Variants in DNM2 observed in about 807,000 individuals in gnomAD.
The protein encoded by DNM2 is dynamin 2.
DNM2 carries 15 observed loss-of-function variants against 99.0 expected under a neutral mutation model. The observed-to-expected ratio is 0.15, with a 90% confidence interval of 0.10 to 0.23. DNM2 has a LOEUF of 0.23. Among genes scored for constraint, DNM2 ranks in the 10% least tolerant of loss-of-function variants. DNM2 has a pLI of 1.00. For synonymous variants in DNM2, 525 were observed against 481.2 expected, an observed-to-expected ratio of 1.09 and a Z score of -1.19; for missense variants, 742 against 1,189.4, an observed-to-expected ratio of 0.62 and a Z score of 5.53.
Position 10,793,782 on chromosome 19 carries a change from A to T in DNM2, c.1055A>T (p.Asp352Val). ...KRIEGSGDQV[D>V]TLELSGGARI... ...ATCGAGGGCTCAGGAGATCAGGTGG[A>T]CACTCTGGAGCTCTCCGGGGGCGCC... Residue 352 changes from aspartate to valine, a missense_variant, in exon 8 of 21, where the codon GAC (aspartate) becomes GTC (valine). Transcript: ENST00000389253. 1 of 1,613,946 alleles carries T rather than the reference A, an allele frequency of 6.2e-7. No homozygotes were observed. Among genetic ancestry groups the T allele is most frequent in the Non-Finnish European group, 8.5e-7 (1 of 1,179,984 alleles).
At chr19:10,748,215 G>A (rs535761000) in intron 1 of DNM2, among the ~76,000 whole-genome samples, 1 of 152,322 alleles carries the variant, frequency 6.6e-6, no homozygotes, top group African/African-American at 2.4e-5. Context: ...CTGCTTTGTG[G>A]GAGGCAGATT....
chr19:10,761,865 T>C (rs1352255889), intron 2 of DNM2, among the ~76,000 whole-genome samples: 1 of 152,204 alleles, frequency 6.6e-6, no homozygotes, highest in Non-Finnish European at 1.5e-5. Context: ...CTTTATGAGC[T>C]CTGCTATTTC....
In DNM2 at chr19:10,818,106, C is replaced by A. The variant is rs2072830785; in HGVS notation, c.1672-1874C>A. Among the ~76,000 whole-genome samples, 1 of 152,078 alleles carries A rather than the reference C, an allele frequency of 6.6e-6. No homozygotes were observed. The highest frequency in any genetic ancestry group is 1.5e-5 in the Non-Finnish European group (1 of 68,020). Reference sequence around the variant, plus strand: ...CCCCGAAAGGTGGGAGGGACCCAGGCCCTGTGTTACCCAGCCTTGCCTGGG... The same window carrying A: ...CCCCGAAAGGTGGGAGGGACCCAGGACCTGTGTTACCCAGCCTTGCCTGGG... On this transcript the variant is annotated intron_variant, in intron 15 of 20. Transcript: ENST00000389253. This position sits in a 1 kb window ranked among gnomAD's most constrained non-coding sequence, Gnocchi z 4.3.
intron 7 of DNM2, among the ~76,000 whole-genome samples, chr19:10,793,312 C>A (rs1290618349): frequency 1.3e-5 from 2 of 152,156 alleles, no homozygotes; most frequent in Non-Finnish European, 2.9e-5. Context: ...TCAGGACCAA[C>A]CCCAGCAGGC....
intron 13 of DNM2, 180 bp from the exon 14 acceptor site, chr19:10,808,389 C>T: frequency 6.8e-6 from 4 of 591,208 alleles, no homozygotes; most frequent in East Asian, 2.9e-5. Context: ...ATATTAACAC[C>T]ATGAATATGA....
At chr19:10,728,879 C>G (rs1368267785) in intron 1 of DNM2, among the ~76,000 whole-genome samples, 2 of 151,090 alleles carry the variant, frequency 1.3e-5, no homozygotes, top group Non-Finnish European at 2.9e-5. Context: ...CCCAGGAATT[C>G]GAGGTTGCAT....
intron 10 of DNM2, 65 bp from the exon 11 acceptor site, chr19:10,798,421 T>G: frequency 2.2e-6 from 3 of 1,359,204 alleles, no homozygotes; most frequent in Non-Finnish European, 3.1e-6. Flanking sequence ...TCTACCTGTG[T>G]GGTTCATGTT....
In DNM2 at chr19:10,820,538, G is replaced by C. The variant is rs1466157504; in HGVS notation, c.1781+449G>C. ...GGGTAGAAGAGTCAGGCGGAGCCCT[G>C]GTGGGCATGGATATGAGAGAGAAAG... On this transcript the variant is annotated intron_variant, in intron 16 of 20. Transcript: ENST00000389253. This position sits in a 1 kb window ranked among gnomAD's most constrained non-coding sequence, Gnocchi z 4.3. Among the ~76,000 whole-genome samples, 1 of 152,220 alleles carries C rather than the reference G, an allele frequency of 6.6e-6. No homozygotes were observed. Among genetic ancestry groups the C allele is most frequent in the East Asian group, 1.9e-4 (1 of 5,196 alleles).
At chr19:10,732,382 C>T (rs2069358491) in intron 1 of DNM2, among the ~76,000 whole-genome samples, 1 of 149,238 alleles carries the variant, frequency 6.7e-6, no homozygotes, top group Admixed American at 6.7e-5. Context: ...GGGCGGATCA[C>T]GAGGTCAGGA....
At chr19:10,736,812 C>G (rs925042309) in intron 1 of DNM2, among the ~76,000 whole-genome samples, 16 of 152,266 alleles carry the variant, frequency 1.1e-4, no homozygotes, top group Non-Finnish European at 2.1e-4. Context: ...GTCCTCACCC[C>G]CAGGCTGTTC....
At position 10,795,633 on chromosome 19, in the gene DNM2, T is replaced by C. The variant is rs986944585; in HGVS notation, c.1196+194T>C. 6 of 646,252 alleles carry C rather than the reference T, an allele frequency of 9.3e-6. No homozygotes were observed. In the African/African-American group the frequency reaches 1.1e-4, roughly 12 times the overall value. 40.0% of individuals were successfully genotyped at this position (646,252 alleles called of 1,614,324 possible). On this transcript the variant is annotated intron_variant, in intron 9 of 20. Transcript: ENST00000389253. This position sits in a 1 kb window ranked among gnomAD's most constrained non-coding sequence, Gnocchi z 4.2. ...AGGGTGGATGTGTCTTAGTCCTGCG[T>C]CCATTGCAGGCTTCAGGGCTGTCTG...
intron 2 of DNM2, among the ~76,000 whole-genome samples, chr19:10,766,131 C>T (rs2070788587): frequency 6.6e-6 from 1 of 152,188 alleles, no homozygotes. Context: ...GAAAACTCTC[C>T]TCCCTCTCTC....
At chr19:10,749,022 A>G (rs572568316) in intron 1 of DNM2, among the ~76,000 whole-genome samples, 12 of 152,302 alleles carry the variant, frequency 7.9e-5, no homozygotes, top group African/African-American at 2.9e-4. Flanking sequence ...TCAGGCTCAA[A>G]GAGACTGTGC....
rs755921154 is a variant in DNM2, at chr19:10,796,109, G to C, written c.1196+670G>C. ...TGGCATTCGAGGCCATTGTGAAAAA[G>C]CAGGTCGTCAAGCTGAAAGAGCCCT... On this transcript the variant is annotated intron_variant, in intron 9 of 20. Transcript: ENST00000389253. The surrounding 1 kb of genome is among the most constrained non-coding windows in gnomAD (Gnocchi z 5.6). 4.3e-6 allele frequency: 7 copies of C among 1,614,010 alleles called. No homozygotes were observed. Among genetic ancestry groups the C allele is most frequent in the Non-Finnish European group, 5.1e-6 (6 of 1,180,036 alleles).
chr19:10,780,792 G>A (rs2071341474), intron 5 of DNM2, among the ~76,000 whole-genome samples: 1 of 152,124 alleles, frequency 6.6e-6, no homozygotes, highest in Non-Finnish European at 1.5e-5. Flanking sequence ...GCTGGGCACA[G>A]TGGCTCACGC....
At chr19:10,726,463 A>C (rs1004027130) in intron 1 of DNM2, among the ~76,000 whole-genome samples, 1 of 152,192 alleles carries the variant, frequency 6.6e-6, no homozygotes, top group African/African-American at 2.4e-5. Flanking sequence ...GGATACAGCC[A>C]GGACCAGGAC....
At chr19:10,735,768 G>T (rs1238979138) in intron 1 of DNM2, among the ~76,000 whole-genome samples, 1 of 151,248 alleles carries the variant, frequency 6.6e-6, no homozygotes, top group East Asian at 2.0e-4. Flanking sequence ...CTTGCCTCTG[G>T]CTCCCAAAGT....
chr19:10,823,873 G>A lies in DNM2; in HGVS notation c.1867G>A (p.Ala623Thr), dbSNP rs1237822667. 6.2e-7 allele frequency: 1 copy of A among 1,613,828 alleles called. No individual in the cohort carries two copies. The highest frequency in any genetic ancestry group is 1.7e-5 in the Admixed American group (1 of 60,026). The change falls in exon 17 of 21, where the codon GCT becomes ACT. Residue 623 changes from alanine to threonine, a missense_variant. Around this residue, in one of 7 missense-constraint regions of DNM2, gnomAD observed 240 missense variants for 431.3 expected, o/e 0.56. Transcript: ENST00000389253. ...VDSWKASFLRAGVYPEKDQAE... is the reference protein window; with the variant it reads ...VDSWKASFLRTGVYPEKDQAE... ...CAGCTGGAAGGCCTCGTTCCTCCGA[G>A]CTGGCGTCTACCCCGAGAAGGACCA...
intron 3 of DNM2, among the ~76,000 whole-genome samples, chr19:10,773,511 C>T (rs2071049999): frequency 6.7e-6 from 1 of 148,644 alleles, no homozygotes; most frequent in Admixed American, 6.8e-5. Context: ...TGTAGTGGCG[C>T]AATCTCCACT....
Sources: allele counts gnomAD v4.1 joint callset (sites outside exome capture counted in the v4.1 genomes callset), GRCh38; gene constraint gnomAD v4.1.1; regional missense constraint gnomAD v4.1.1; non-coding constraint Gnocchi (gnomAD v3.1); transcripts MANE v1.5; gene names NCBI Gene and HGNC (gene_info 2026-07-23, HGNC 2026-07-21).